Variants in TMEM132D observed in about 807,000 individuals in gnomAD.
TMEM132D encodes the protein transmembrane protein 132D, also known as mature OL transmembrane protein.
In TMEM132D, 21 loss-of-function variants were observed where a neutral mutation model predicts 62.3. That is an observed-to-expected ratio of 0.34 (90% CI 0.24 to 0.49). The LOEUF (loss-of-function observed/expected upper bound fraction) is 0.49. TMEM132D is among the 20% of genes least tolerant of loss of function. The pLI is 0.99. For missense variants in TMEM132D, 1,346 were observed against 1,402.8 expected (o/e 0.96, Z 0.65); for synonymous variants, 621 against 575.6 (o/e 1.08, Z -1.13).
At chr12:129,491,940 T>C (rs1874807527) in intron 3 of TMEM132D, among the ~76,000 whole-genome samples, 1 of 82,044 alleles carries the variant, frequency 1.2e-5, no homozygotes, top group African/African-American at 8.0e-5. Flanking sequence ...AGATTCTGTC[T>C]CAAAAAAAAA....
chr12:129,578,723 G>A (rs1877756176), intron 2 of TMEM132D, among the ~76,000 whole-genome samples: 1 of 152,080 alleles, frequency 6.6e-6, no homozygotes, highest in Non-Finnish European at 1.5e-5. Context: ...GGCTGGGTCT[G>A]AAGGTCTGAG....
intron 1 of TMEM132D, among the ~76,000 whole-genome samples, chr12:129,811,170 ATGTT>A (rs756459369): frequency 2.2e-4 from 34 of 151,644 alleles, no homozygotes; most frequent in Non-Finnish European, 2.2e-4. Flanking sequence ...AGAACATAAA[ATGTT>A]TGGGGAAAAT....
chr12:129,180,826 T>C (rs975129145), intron 5 of TMEM132D, among the ~76,000 whole-genome samples: 15 of 152,008 alleles, frequency 9.9e-5, no homozygotes, highest in Admixed American at 6.6e-4. Flanking sequence ...TGGGGCATGG[T>C]AAGCAAGGGG....
intron 1 of TMEM132D, among the ~76,000 whole-genome samples, chr12:129,847,239 G>A (rs1873392239): frequency 6.6e-6 from 1 of 152,132 alleles, no homozygotes; most frequent in African/African-American, 2.4e-5. Flanking sequence ...TCCTGGGCAG[G>A]TCCTGAACTT....
intron 4 of TMEM132D, among the ~76,000 whole-genome samples, chr12:129,287,598 C>T (rs531614887): frequency 6.6e-6 from 1 of 152,264 alleles, no homozygotes; most frequent in African/African-American, 2.4e-5. Flanking sequence ...AAATAGGAAC[C>T]TTACAGTGGA....
intron 1 of TMEM132D, among the ~76,000 whole-genome samples, chr12:129,862,316 C>G (rs756197497): frequency 6.6e-6 from 1 of 152,206 alleles, no homozygotes; most frequent in Admixed American, 6.5e-5. Context: ...CCTCAAACTT[C>G]GGGAAATTAA....
chr12:129,364,771 A>G (rs947055636), intron 3 of TMEM132D, among the ~76,000 whole-genome samples: 1 of 152,202 alleles, frequency 6.6e-6, no homozygotes, highest in Non-Finnish European at 1.5e-5. Flanking sequence ...AATGACCACA[A>G]TCGGAAAGGT....
At chr12:129,380,060 T>C (rs1310585528) in intron 3 of TMEM132D, among the ~76,000 whole-genome samples, 1 of 152,184 alleles carries the variant, frequency 6.6e-6, no homozygotes, top group Non-Finnish European at 1.5e-5. Flanking sequence ...AAATAAAACA[T>C]GGTGTCATAG....
intron 5 of TMEM132D, among the ~76,000 whole-genome samples, chr12:129,105,245 G>A (rs1200247610): frequency 2.1e-5 from 3 of 144,096 alleles, no homozygotes; most frequent in Non-Finnish European, 3.0e-5. Flanking sequence ...CCTTTGTAGG[G>A]ACATGGATGA....
intron 1 of TMEM132D, among the ~76,000 whole-genome samples, chr12:129,705,323 C>G (rs10773696): frequency 0.88 from 133,953 of 152,254 alleles, 60,407 homozygotes; most frequent in Non-Finnish European, 0.99. Context: ...AAACCGAAAA[C>G]ACCACCTTTT....
intron 4 of TMEM132D, among the ~76,000 whole-genome samples, chr12:129,243,546 T>A (rs1380311284): frequency 1.3e-5 from 2 of 151,824 alleles, no homozygotes; most frequent in African/African-American, 2.4e-5. Flanking sequence ...GTAAACAATA[T>A]TTTTTTTGCA....
intron 3 of TMEM132D, among the ~76,000 whole-genome samples, chr12:129,436,311 T>G (rs544973411): frequency 1.0e-3 from 153 of 152,324 alleles, no homozygotes; most frequent in African/African-American, 3.7e-3. Context: ...TTATTTGGGT[T>G]TTCTGATACA....
chr12:129,444,521 T>C (rs10773659), intron 3 of TMEM132D, among the ~76,000 whole-genome samples: 62,234 of 151,984 alleles, frequency 0.41, 14,906 homozygotes, highest in East Asian at 0.78. Flanking sequence ...CGTAGGTAAA[T>C]GTGTGCCATG....
chr12:129,555,161 CTGAT>C (rs1396363156), intron 2 of TMEM132D, among the ~76,000 whole-genome samples: 1 of 152,184 alleles, frequency 6.6e-6, no homozygotes, highest in East Asian at 1.9e-4. Context: ...GAAAAGGAAG[CTGAT>C]TGCACAGAAT....
chr12:129,538,773 AG>A (rs1273830022), intron 2 of TMEM132D, among the ~76,000 whole-genome samples: 2 of 152,212 alleles, frequency 1.3e-5, no homozygotes, highest in Non-Finnish European at 2.9e-5. Flanking sequence ...AATGAGATGA[AG>A]GGAGGTGACT....
chr12:129,744,861 T>C (rs1869726222), intron 1 of TMEM132D, among the ~76,000 whole-genome samples: 1 of 152,194 alleles, frequency 6.6e-6, no homozygotes, highest in African/African-American at 2.4e-5. Context: ...TTGGGCTCTG[T>C]GTCCCCACCC....
chr12:129,827,414 C>T lies in TMEM132D; in HGVS notation c.79+75847G>A, dbSNP rs1246590379. On this transcript the variant is annotated intron_variant, in intron 1 of 8. Transcript: ENST00000422113. The surrounding 1 kb of genome is among the most constrained non-coding windows in gnomAD (Gnocchi z 9.7). ...AAAACTGTAAGCAGCTGAACCAAAA[C>T]AGGCTTTCTTCTCCCTTCCATGGTC... 6.6e-6 allele frequency among the ~76,000 whole-genome samples: 1 copy of T among 152,180 alleles called. No individual in the cohort carries two copies. The highest frequency in any genetic ancestry group is 1.5e-5 in the Non-Finnish European group (1 of 68,030).
chr12:129,759,721 ATGT>A (rs972940633), intron 1 of TMEM132D, among the ~76,000 whole-genome samples: 2 of 152,352 alleles, frequency 1.3e-5, no homozygotes, highest in Admixed American at 6.5e-5. Context: ...AGATAGACAA[ATGT>A]TGATGTATAC....
chr12:129,408,137 A>G (rs1372718582), intron 3 of TMEM132D, among the ~76,000 whole-genome samples: 1 of 152,144 alleles, frequency 6.6e-6, no homozygotes, highest in African/African-American at 2.4e-5. Context: ...GACATGCATT[A>G]GCCTTTAACA....
Sources: gnomAD v4.1 joint callset for allele counts (sites outside exome capture counted in the v4.1 genomes callset) on GRCh38, gnomAD v4.1.1 for gene constraint, Gnocchi (gnomAD v3.1) non-coding constraint, MANE v1.5 for transcripts, NCBI Gene and HGNC (gene_info 2026-07-23, HGNC 2026-07-21) for gene names.